The following KLK4 variants were observed in gnomAD, a reference collection of about 807,000 sequenced individuals.
KLK4 encodes the protein kallikrein-4.
A neutral mutation model predicts 24.3 loss-of-function variants in KLK4; 24 were observed. The observed-to-expected ratio is 0.99, with a 90% CI of 0.72 to 1.39. The LOEUF (loss-of-function observed/expected upper bound fraction) is 1.39, where lower values mean the gene tolerates loss of function less well. Among genes scored for constraint, KLK4 ranks in the 40% most tolerant of loss-of-function variants. KLK4 has a pLI of 0.00. For missense variants in KLK4, 344 were observed against 327.4 expected, an observed-to-expected ratio of 1.05 and a Z score of -0.39; for synonymous variants, 142 against 138.8, an observed-to-expected ratio of 1.02 and a Z score of -0.16.
chr19:50,908,470 G>A (rs1278974352), exon 5 of KLK4: 1 of 1,614,158 alleles, frequency 6.2e-7, no homozygotes, highest in Non-Finnish European at 8.5e-7. Flanking sequence ...ACACGTTCAC[G>A]CACTGCAGCA....
chr19:50,909,359 C>A (rs1225388204), exon 3 of KLK4: 7 of 1,614,200 alleles, frequency 4.3e-6, no homozygotes, highest in Non-Finnish European at 5.9e-6. Context: ...GCTGCGAGTG[C>A]GGGCTGCAGT....
chr19:50,907,206 T>G, intron 5 of KLK4, 120 bp from the exon 6 acceptor site: 1 of 1,021,478 alleles, frequency 9.8e-7, no homozygotes, highest in South Asian at 1.3e-5. Flanking sequence ...AATAACAACA[T>G]AGCCCAGCAA....
intron 2 of KLK4, 92 bp from the exon 3 acceptor site, chr19:50,909,506 T>G: frequency 7.6e-7 from 1 of 1,322,020 alleles, no homozygotes; most frequent in Non-Finnish European, 1.1e-6. Flanking sequence ...GGTCAGAGGT[T>G]CAGGAGCAGT....
In KLK4 at chr19:50,908,346, T is replaced by TC; in HGVS notation, c.612+12dup. 6.2e-7 allele frequency: 1 copy of TC among 1,612,110 alleles called. No individual in the cohort carries two copies. Among genetic ancestry groups the TC allele is most frequent in the Non-Finnish European group, 8.5e-7 (1 of 1,179,984 alleles). ...TCCCTGAGTCGCCTGCCCTCCCCTT[T>TC]CCCCTCTCTCACGTTGCAGGAGTCC... On this transcript the variant is annotated intron_variant, in intron 5 of 5. Coordinates refer to ENST00000324041, the Ensembl canonical transcript of KLK4.
At chr19:50,909,390 C>G (rs750103544) in exon 3 of KLK4, 2 of 1,614,120 alleles carry the variant, frequency 1.2e-6, no homozygotes, top group East Asian at 2.2e-5. Context: ...TATGATTTGG[C>G]TGCAGCTACC....
chr19:50,908,134 T>C (rs898053518), intron 5 of KLK4: 11 of 606,828 alleles, frequency 1.8e-5, no homozygotes, highest in African/African-American at 7.4e-5. Context: ...CATTTCTATG[T>C]GTGTGTGTTT....
intron 5 of KLK4, among the ~76,000 whole-genome samples, chr19:50,907,504 T>G (rs1434341849): frequency 6.6e-6 from 1 of 151,164 alleles, no homozygotes; most frequent in Non-Finnish European, 1.5e-5. Flanking sequence ...CCTCCCATAT[T>G]CAAGCAATTC....
chr19:50,908,736 T>C, exon 4 of KLK4: 4 of 1,614,210 alleles, frequency 2.5e-6, no homozygotes, highest in Non-Finnish European at 2.5e-6. Flanking sequence ...TGTTGTACTC[T>C]GGGTGCCGTA....
At chr19:50,907,182 A>G in intron 5 of KLK4, 96 bp from the exon 6 acceptor site, 1 of 1,270,144 alleles carries the variant, frequency 7.9e-7, no homozygotes, top group Admixed American at 1.8e-5. Flanking sequence ...AGAAACAAAG[A>G]CAGAACCATC....
intron 3 of KLK4, 66 bp from the exon 4 acceptor site, chr19:50,908,895 A>G: frequency 6.3e-7 from 1 of 1,594,834 alleles, no homozygotes; most frequent in Admixed American, 1.7e-5. Context: ...CTCATCTTCA[A>G]CCCCATTCCC....
At chr19:50,908,709 G>A (rs1443144222) in exon 4 of KLK4, 1 of 1,614,210 alleles carries the variant, frequency 6.2e-7, no homozygotes, top group South Asian at 1.1e-5. Flanking sequence ...GCATGAGGTC[G>A]TTAGCGAGCA....
exon 6 of KLK4, chr19:50,906,828 C>T (rs905994297): frequency 3.0e-6 from 4 of 1,352,304 alleles, no homozygotes; most frequent in African/African-American, 3.2e-5. Context: ...GGGCTGGGGG[C>T]CTGGACTCCT....
exon 4 of KLK4, chr19:50,908,610 G>A: frequency 6.2e-7 from 1 of 1,614,226 alleles, no homozygotes; most frequent in Non-Finnish European, 8.5e-7. Flanking sequence ...CAGAAACGAG[G>A]CAAGAGTTCC....
Position 50,908,591 on chromosome 19 carries a change from GA to G in KLK4, c.462del (p.Leu155CysfsTer14). 6.2e-7 allele frequency: 1 copy of G among 1,614,212 alleles called. No homozygotes were observed. Among genetic ancestry groups the G allele is most frequent in the African/African-American group, 1.3e-5 (1 of 75,050 alleles). On this transcript the variant is annotated frameshift_variant, in exon 4 of 6. Coordinates refer to ENST00000324041, the Ensembl canonical transcript of KLK4. LOFTEE classifies it high-confidence loss of function. ...CCCGTGAGCTCACCGTTCGCCAGCAGACCCCAGCCAGAAACGAGGCAAGAGT... is the reference window on the plus strand; with the variant it reads ...CCCGTGAGCTCACCGTTCGCCAGCAGCCCCAGCCAGAAACGAGGCAAGAGT...
chr19:50,911,083 CAG>C (rs1256824691), intron 1 of KLK4, among the ~76,000 whole-genome samples: 2 of 152,160 alleles, frequency 1.3e-5, no homozygotes, highest in Non-Finnish European at 2.9e-5. Flanking sequence ...CACAGAGAAT[CAG>C]AGCCGGAGAG....
At position 50,908,899 on chromosome 19, in the gene KLK4, C is replaced by T; in HGVS notation, c.225-70G>A. 1.9e-6 allele frequency: 3 copies of T among 1,591,770 alleles called. No individual in the cohort carries two copies. In the South Asian group the frequency reaches 3.3e-5, roughly 18 times the overall value. On this transcript the variant is annotated intron_variant, in intron 3 of 5. Transcript: ENST00000324041. ...TTACCTCCATTCTCATCTTCAACCC[C>T]ATTCCCATCCCCATCTCCTAACCCC... is the stretch of plus-strand genomic sequence containing the variant.
chr19:50,907,004 C>T (rs749985446), exon 6 of KLK4: 56 of 1,614,026 alleles, frequency 3.5e-5, no homozygotes, highest in Non-Finnish European at 4.7e-5. Flanking sequence ...ACCTGGCACG[C>T]CAACTTGGCC....
chr19:50,907,125 G>A (rs2090439691), intron 5 of KLK4, 39 bp from the exon 6 acceptor site: 1 of 1,609,902 alleles, frequency 6.2e-7, no homozygotes. Context: ...TCAAAACACA[G>A]AGAGGTGGAA....
In KLK4 at chr19:50,907,097, G is replaced by A. The variant is rs368976894; in HGVS notation, c.613-11C>T. ...CCCCCCAGAGTCACCCTGTTGTGAAGAGAGGGAGAGTCAGAATTCAAAACA... is the reference window on the plus strand; with the variant it reads ...CCCCCCAGAGTCACCCTGTTGTGAAAAGAGGGAGAGTCAGAATTCAAAACA... On this transcript the variant is annotated splice_polypyrimidine_tract_variant and intron_variant, in intron 5 of 5. Transcript: ENST00000324041. 1.8e-4 allele frequency: 288 copies of A among 1,613,848 alleles called. No homozygotes were observed. Among genetic ancestry groups the A allele is most frequent in the Non-Finnish European group, 2.3e-4 (277 of 1,179,982 alleles).
Sources: allele counts gnomAD v4.1 joint callset (sites outside exome capture counted in the v4.1 genomes callset), GRCh38; gene constraint gnomAD v4.1.1; transcripts MANE v1.5; gene names NCBI Gene and HGNC (gene_info 2026-07-23, HGNC 2026-07-21).